SMAD4: variants seen among roughly 807,000 people sequenced by gnomAD.
SMAD4 encodes MAD homolog 4.
In SMAD4, 7 loss-of-function variants were observed where a neutral mutation model predicts 63.2. That is an observed-to-expected ratio of 0.11 (90% CI 0.06 to 0.21). The LOEUF (loss-of-function observed/expected upper bound fraction) is 0.21. Among genes scored for constraint, SMAD4 ranks in the 10% least tolerant of loss-of-function variants. The pLI is 1.00. For missense variants in SMAD4, 312 were observed against 693.8 expected, an observed-to-expected ratio of 0.45 and a Z score of 6.18; for synonymous variants, 215 against 235.4, an observed-to-expected ratio of 0.91 and a Z score of 0.79.
intron 10 of SMAD4, among the ~76,000 whole-genome samples, chr18:51,073,639 T>C (rs1258221324): frequency 1.3e-5 from 2 of 151,828 alleles, no homozygotes; most frequent in African/African-American, 2.4e-5. Context: ...TAAGGGATTC[T>C]CCTGTCTCAG....
At chr18:51,076,560 AAATAAGTCAGG>A in intron 10 of SMAD4, 67 bp from the exon 11 acceptor site, 1 of 1,304,186 alleles carries the variant, frequency 7.7e-7, no homozygotes, top group South Asian at 1.2e-5. Flanking sequence ...ACTGAGTTTT[AAATAAGTCAGG>A]CATTGGTTTT....
At chr18:51,054,349 A>G (rs1192322288) in intron 4 of SMAD4, 2 of 203,048 alleles carry the variant, frequency 9.8e-6, no homozygotes, top group East Asian at 1.3e-4. Context: ...ACAGTGTGAA[A>G]TTAACAAAAA....
At chr18:51,050,652 C>G (rs1909682343) in intron 4 of SMAD4, among the ~76,000 whole-genome samples, 1 of 145,998 alleles carries the variant, frequency 6.8e-6, no homozygotes, top group Non-Finnish European at 1.5e-5. Context: ...AAGCGAGACT[C>G]TGTCTCAAAA....
intron 1 of SMAD4, among the ~76,000 whole-genome samples, chr18:51,032,206 A>G (rs372106685): frequency 2.0e-5 from 3 of 152,242 alleles, no homozygotes; most frequent in South Asian, 2.1e-4. Flanking sequence ...TTGTGACTCT[A>G]TTAATAGAAG....
At chr18:51,058,555 C>T in intron 7 of SMAD4, 99 bp downstream of exon 7, 1 of 838,454 alleles carries the variant, frequency 1.2e-6, no homozygotes, top group Non-Finnish European at 2.0e-6. Flanking sequence ...TTTATTCATC[C>T]TGTGATTTTG....
chr18:51,036,392 A>G (rs545824793), intron 1 of SMAD4, among the ~76,000 whole-genome samples: 2 of 152,348 alleles, frequency 1.3e-5, no homozygotes, highest in East Asian at 3.9e-4. Context: ...TCTAGAGCAT[A>G]TGTTATCAGT....
At chr18:51,059,192 T>G (rs573463388) in intron 7 of SMAD4, among the ~76,000 whole-genome samples, 5 of 152,340 alleles carry the variant, frequency 3.3e-5, no homozygotes, top group African/African-American at 7.2e-5. Context: ...ATATCTTGCT[T>G]CTTTTCAGTT....
intron 4 of SMAD4, chr18:51,053,649 A>G (rs1909767531): frequency 6.6e-6 from 1 of 152,204 alleles, no homozygotes. Context: ...GATGATTATT[A>G]CTGCCTTAAA....
Position 51,084,006 on chromosome 18 carries a change from GCGCGCGCACACACACA to G in SMAD4, c.*5541_*5556del, listed in dbSNP as rs1196571135. On this transcript the variant is annotated 3_prime_UTR_variant, in exon 12 of 12. Transcript: ENST00000342988. ...AAACACTTAACGCGCGTGCGCACGC[GCGCGCGCACACACACA>G]CACACACACACACACACACACAGGT... is the stretch of plus-strand genomic sequence containing the variant. 3.3e-3 allele frequency: 665 copies of G among 201,508 alleles called. 4 individuals are homozygous for G. Among genetic ancestry groups the G allele is most frequent in the South Asian group, 0.011 (43 of 3,908 alleles). 12.5% of individuals were successfully genotyped at this position (201,508 alleles called of 1,614,324 possible). A position where few individuals can be genotyped will look rare whatever the true frequency, so the allele number is the denominator to read the frequency against.
At chr18:51,057,475 G>T (rs1909876119) in intron 5 of SMAD4, among the ~76,000 whole-genome samples, 1 of 152,144 alleles carries the variant, frequency 6.6e-6, no homozygotes, top group South Asian at 2.1e-4. Context: ...TGGTGTTCTT[G>T]AAAAGAAATG....
chr18:51,044,646 G>A lies in SMAD4; in HGVS notation c.-127-2274G>A, dbSNP rs559309686. 1.2e-4 allele frequency among the ~76,000 whole-genome samples: 19 copies of A among 152,272 alleles called. No individual in the cohort carries two copies. In the South Asian group the frequency reaches 3.5e-3, roughly 28 times the overall value. Reference sequence around the variant, plus strand: ...GGGCTCAAGCGATCCACCTGCGTCGGCCTCCCAAAGTGCTGGGATTACAGG... The same window carrying A: ...GGGCTCAAGCGATCCACCTGCGTCGACCTCCCAAAGTGCTGGGATTACAGG... On this transcript the variant is annotated intron_variant, in intron 1 of 11. Coordinates refer to ENST00000342988, the MANE Select transcript of SMAD4 (RefSeq NM_005359.6).
At chr18:51,076,552 T>G (rs763641038) in intron 10 of SMAD4, 86 bp from the exon 11 acceptor site, 31 of 1,184,194 alleles carry the variant, frequency 2.6e-5, no homozygotes, top group Non-Finnish European at 3.5e-5. Context: ...ATAATGAAAC[T>G]GAGTTTTAAA....
intron 5 of SMAD4, among the ~76,000 whole-genome samples, chr18:51,055,605 G>A (rs938098384): frequency 6.6e-6 from 1 of 151,840 alleles, no homozygotes; most frequent in Non-Finnish European, 1.5e-5. Context: ...CTAGGTTCAG[G>A]TTTTTGGGGG....
intron 10 of SMAD4, among the ~76,000 whole-genome samples, chr18:51,067,945 T>TATA (rs1910209183): frequency 6.6e-6 from 1 of 152,230 alleles, no homozygotes; most frequent in Non-Finnish European, 1.5e-5. Flanking sequence ...AATTTTACTT[T>TATA]ATAATATAAC....
At chr18:51,039,723 C>A (rs1599175892) in intron 1 of SMAD4, among the ~76,000 whole-genome samples, 1 of 151,860 alleles carries the variant, frequency 6.6e-6, no homozygotes, top group East Asian at 1.9e-4. Flanking sequence ...ACCTATAGTA[C>A]TTTGTTATTT....
At position 51,083,991 on chromosome 18, in the gene SMAD4, C is replaced by T. The variant is rs1026801230; in HGVS notation, c.*5524C>T. The stretch of plus-strand genomic sequence containing the variant: ...CTTAGGGGCTGCAATAAACACTTAA[C>T]GCGCGTGCGCACGCGCGCGCGCACA... On this transcript the variant is annotated 3_prime_UTR_variant, in exon 12 of 12. Coordinates refer to ENST00000342988, the MANE Select transcript of SMAD4 (RefSeq NM_005359.6). The T allele has an allele frequency of 1.6e-4, 27 of 166,622 alleles. No individual in the cohort carries two copies. Among genetic ancestry groups the T allele is most frequent in the African/African-American group, 7.0e-4 (20 of 28,708 alleles). The allele number at this position is 166,622 out of a possible 1,614,324, so 10.3% of individuals were successfully genotyped here.
Position 51,039,905 on chromosome 18 carries a change from G to A in SMAD4, c.-127-7015G>A, listed in dbSNP as rs567120490. On this transcript the variant is annotated intron_variant, in intron 1 of 11. Transcript: ENST00000342988. Reference sequence around the variant, plus strand: ...CTTAAAAGTTAAAAAAAAACTTTTTGTTGCTTTTATTGCTGTATAAATGTG... The same window carrying A: ...CTTAAAAGTTAAAAAAAAACTTTTTATTGCTTTTATTGCTGTATAAATGTG... 1.3e-3 allele frequency among the ~76,000 whole-genome samples: 198 copies of A among 152,146 alleles called. 1 individual carries two copies. The highest frequency in any genetic ancestry group is 4.6e-3 in the African/African-American group (193 of 41,522).
chr18:51,048,527 G>A (rs558269049), intron 2 of SMAD4, among the ~76,000 whole-genome samples, 159 bp from the exon 3 acceptor site: 1 of 152,318 alleles, frequency 6.6e-6, no homozygotes, highest in African/African-American at 2.4e-5. Flanking sequence ...TAGGTCTGAT[G>A]TATGACATGG....
intron 1 of SMAD4, among the ~76,000 whole-genome samples, chr18:51,040,205 T>G (rs770057412): frequency 6.6e-6 from 1 of 152,084 alleles, no homozygotes; most frequent in Non-Finnish European, 1.5e-5. Context: ...GGCGGGCAGA[T>G]CATGAGGTCA....
Sources: gnomAD v4.1 joint callset for allele counts (sites outside exome capture counted in the v4.1 genomes callset) on GRCh38, gnomAD v4.1.1 for gene constraint, MANE v1.5 for transcripts, NCBI Gene and HGNC (gene_info 2026-07-23, HGNC 2026-07-21) for gene names.